The following SOS1 variants were observed in gnomAD, a reference collection of about 807,000 sequenced individuals.
SOS1 encodes SOS Ras/Rac guanine nucleotide exchange factor 1.
SOS1 carries 25 observed loss-of-function variants against 157.6 expected under a neutral mutation model. That is an observed-to-expected ratio of 0.16 (90% CI 0.12 to 0.22). SOS1 has a LOEUF of 0.22. SOS1 is among the 10% of genes least tolerant of loss of function. SOS1 has a pLI of 1.00. For synonymous variants in SOS1, 528 were observed against 534.0 expected (o/e 0.99, Z 0.16); for missense variants, 1,237 against 1,599.1 (o/e 0.77, Z 3.86).
intron 1 of SOS1, among the ~76,000 whole-genome samples, chr2:39,082,179 C>T (rs1404242786): frequency 6.6e-6 from 1 of 152,160 alleles, no homozygotes; most frequent in African/African-American, 2.4e-5. Context: ...CAGTAGCCAT[C>T]CCCACATCCC....
chr2:38,996,991 T>G lies in SOS1; in HGVS notation c.3012A>C (p.Glu1004Asp). The G allele has an allele frequency of 1.2e-6, 2 of 1,607,984 alleles. No individual in the cohort carries two copies. Among genetic ancestry groups the G allele is most frequent in the Non-Finnish European group, 1.7e-6 (2 of 1,174,706 alleles). Residue 1004 changes from glutamate to aspartate, a missense_variant, in exon 19 of 23, where the codon GAA becomes GAC. Transcript: ENST00000402219. The part of the protein sequence containing the change: ...LNPMGNSMEK[E>D]FTDYLFNKSL... ...ATTTGTTGAAAAGATAATCTGTAAATTCCTTCTCCATGCTATTTCCCATCG... is the reference window on the plus strand; with the variant it reads ...ATTTGTTGAAAAGATAATCTGTAAAGTCCTTCTCCATGCTATTTCCCATCG...
chr2:39,086,172 AGT>A (rs1207205650), intron 1 of SOS1, among the ~76,000 whole-genome samples: 3 of 152,200 alleles, frequency 2.0e-5, no homozygotes, highest in Non-Finnish European at 1.5e-5. Flanking sequence ...AAGTTAATCT[AGT>A]GGTTCGGAAA....
intron 1 of SOS1, among the ~76,000 whole-genome samples, chr2:39,102,348 G>C (rs1673001338): frequency 6.7e-6 from 1 of 149,952 alleles, no homozygotes; most frequent in Non-Finnish European, 1.5e-5. Flanking sequence ...CATAATGAGA[G>C]TTCATCTTTA....
chr2:39,029,988 G>A (rs1285726762), intron 8 of SOS1, among the ~76,000 whole-genome samples: 5 of 151,696 alleles, frequency 3.3e-5, no homozygotes, highest in Non-Finnish European at 7.4e-5. Flanking sequence ...GCAACAGAGC[G>A]ACGTCTCATC....
intron 6 of SOS1, among the ~76,000 whole-genome samples, chr2:39,045,258 G>A (rs1284272116): frequency 6.8e-5 from 9 of 131,606 alleles, no homozygotes; most frequent in African/African-American, 2.5e-4. Flanking sequence ...GAGAGAGAGA[G>A]AGAGAGAGAG....
intron 6 of SOS1, among the ~76,000 whole-genome samples, chr2:39,043,302 ACAT>A (rs1312323251): frequency 7.2e-5 from 11 of 152,202 alleles, no homozygotes; most frequent in African/African-American, 2.2e-4. Flanking sequence ...ATAAGAGTAA[ACAT>A]CATAAGATAT....
chr2:39,062,360 G>A (rs1355611971), intron 2 of SOS1, among the ~76,000 whole-genome samples: 1 of 149,954 alleles, frequency 6.7e-6, no homozygotes. Flanking sequence ...GAAAGTTGCA[G>A]TGAGCTGAGA....
chr2:39,098,986 A>G (rs1672871353), intron 1 of SOS1, among the ~76,000 whole-genome samples: 1 of 152,108 alleles, frequency 6.6e-6, no homozygotes, highest in African/African-American at 2.4e-5. Flanking sequence ...AAGATCTACA[A>G]ATGTTCAATA....
rs557296331 is a variant in SOS1 at position 39,074,083 on chromosome 2, C to A, written c.88-6330G>T. Among the ~76,000 whole-genome samples, 14 of 152,264 alleles carry A rather than the reference C, an allele frequency of 9.2e-5. No individual in the cohort carries two copies. The South Asian group carries it at 2.7e-3, about 29-fold the overall frequency. On this transcript the variant is annotated intron_variant, in intron 1 of 22. Coordinates refer to ENST00000402219, the MANE Select transcript of SOS1 (RefSeq NM_005633.4). ...GACCAGCCTGGGCTGGGCGCGGTGGCCTACGCCTGTAATCCCAGCACTTTG... is the reference window on the plus strand; with the variant it reads ...GACCAGCCTGGGCTGGGCGCGGTGGACTACGCCTGTAATCCCAGCACTTTG...
chr2:39,068,001 C>G (rs1393315020), intron 1 of SOS1, among the ~76,000 whole-genome samples: 3 of 152,092 alleles, frequency 2.0e-5, no homozygotes, highest in African/African-American at 7.2e-5. Flanking sequence ...CGCCTGTAAT[C>G]CCAGCTACCC....
At position 39,120,522 on chromosome 2, in the gene SOS1, C is replaced by G. The variant is rs1240707624; in HGVS notation, c.-100G>C. 8.7e-7 allele frequency: 1 copy of G among 1,152,812 alleles called. No individual in the cohort carries two copies. The highest frequency in any genetic ancestry group is 1.6e-5 in the African/African-American group (1 of 61,018). The allele number at this position is 1,152,812 out of a possible 1,614,324, so 71.4% of individuals were successfully genotyped here. On this transcript the variant is annotated 5_prime_UTR_variant, in exon 1 of 23. Coordinates refer to ENST00000402219, the MANE Select transcript of SOS1 (RefSeq NM_005633.4). Reference sequence around the variant, plus strand: ...CGCAGCGCGGAACAGGGCCGCGGCCCCACCGGACGGCCCGGCCCCCTCCGG... The same window carrying G: ...CGCAGCGCGGAACAGGGCCGCGGCCGCACCGGACGGCCCGGCCCCCTCCGG...
At chr2:39,082,001 G>A (rs1019886267) in intron 1 of SOS1, among the ~76,000 whole-genome samples, 16 of 152,032 alleles carry the variant, frequency 1.1e-4, no homozygotes, top group Admixed American at 7.2e-4. Context: ...TAATAGTTAT[G>A]TCATGGTAAA....
chr2:39,016,907 G>A (rs146961938), intron 10 of SOS1, among the ~76,000 whole-genome samples: 124 of 152,192 alleles, frequency 8.1e-4, no homozygotes, highest in African/African-American at 2.5e-3. Context: ...ATGTTTAAAG[G>A]CAAGCTATTT....
chr2:39,068,531 G>A (rs1053237382), intron 1 of SOS1, among the ~76,000 whole-genome samples: 2 of 152,172 alleles, frequency 1.3e-5, no homozygotes, highest in African/African-American at 4.8e-5. Context: ...ATGGCAGCAA[G>A]CACTGTGCAG....
At chr2:39,044,864 G>GCGCGCACACACACA (rs147443441) in intron 6 of SOS1, among the ~76,000 whole-genome samples, 18 of 147,760 alleles carry the variant, frequency 1.2e-4, no homozygotes, top group Non-Finnish European at 2.5e-4. Flanking sequence ...GCGCGCGCGC[G>GCGCGCACACACACA]CACACACACA....
chr2:39,061,211 G>A (rs1242800667), intron 2 of SOS1, among the ~76,000 whole-genome samples: 5 of 139,080 alleles, frequency 3.6e-5, no homozygotes, highest in African/African-American at 1.4e-4. Flanking sequence ...AGGAGACAAT[G>A]TCAAGGGTCA....
rs1423240162 is a variant in SOS1 at position 39,120,545 on chromosome 2, C to T, written c.-123G>A. Reference sequence around the variant, plus strand: ...CCCCACCGGACGGCCCGGCCCCCTCCGGGCGCCGCGCAGCCGGGCTAGCCC... The same window carrying T: ...CCCCACCGGACGGCCCGGCCCCCTCTGGGCGCCGCGCAGCCGGGCTAGCCC... On this transcript the variant is annotated 5_prime_UTR_variant, in exon 1 of 23. Coordinates refer to ENST00000402219, the MANE Select transcript of SOS1 (RefSeq NM_005633.4). 2.8e-6 allele frequency: 3 copies of T among 1,067,528 alleles called. No homozygotes were observed. Among genetic ancestry groups the T allele is most frequent in the Non-Finnish European group, 3.4e-6 (3 of 882,242 alleles). The allele number at this position is 1,067,528 out of a possible 1,614,324, so 66.1% of individuals were successfully genotyped here.
In SOS1 at chr2:39,098,965, T is replaced by G. The variant is rs114428308; in HGVS notation, c.87+21371A>C. ...AATGGGCAAAGGATCTGAACAGATATTTCTTCAAACAAGATCTACAAATGT... is the reference window on the plus strand; with the variant it reads ...AATGGGCAAAGGATCTGAACAGATAGTTCTTCAAACAAGATCTACAAATGT... On this transcript the variant is annotated intron_variant, in intron 1 of 22. Transcript: ENST00000402219. 2.6e-3 allele frequency among the ~76,000 whole-genome samples: 389 copies of G among 152,248 alleles called. 3 individuals are homozygous for G. The highest frequency in any genetic ancestry group is 8.5e-3 in the African/African-American group (352 of 41,536).
Position 39,014,930 on chromosome 2 carries a change from A to G in SOS1, c.1859-84T>C, listed in dbSNP as rs139151449. On this transcript the variant is annotated intron_variant, in intron 10 of 22. Transcript: ENST00000402219. The stretch of plus-strand genomic sequence containing the variant: ...GTTATGTACATTTTCAAAATAGATC[A>G]AATAGTCAAGTTTAAAAGTTCCAAA... 5.9e-4 allele frequency: 496 copies of G among 839,868 alleles called. 4 individuals carry two copies. In the African/African-American group the frequency reaches 6.5e-3, roughly 11 times the overall value. The allele number at this position is 839,868 out of a possible 1,614,324, so 52.0% of individuals were successfully genotyped here.
Sources: gnomAD v4.1 joint callset for allele counts (sites outside exome capture counted in the v4.1 genomes callset) on GRCh38, gnomAD v4.1.1 for gene constraint, MANE v1.5 for transcripts, NCBI Gene and HGNC (gene_info 2026-07-23, HGNC 2026-07-21) for gene names.